Variants in OPA3 observed in about 807,000 individuals in gnomAD.
The protein encoded by OPA3 is optic atrophy 3 protein.
Under a neutral mutation model 4.0 loss-of-function variants are expected in OPA3, and 6 were observed. The observed-to-expected ratio is 1.51, with a 90% CI of 0.83 to 2.99. The LOEUF (loss-of-function observed/expected upper bound fraction) is 2.99. Among genes scored for constraint, OPA3 ranks in the 30% most tolerant of loss-of-function variants. The pLI, the probability that OPA3 is intolerant of heterozygous loss-of-function variation, is 0.00. For synonymous variants in OPA3, 105 were observed against 117.1 expected, an observed-to-expected ratio of 0.90 and a Z score of 0.67; for missense variants, 235 against 256.2, an observed-to-expected ratio of 0.92 and a Z score of 0.56.
chr19:45,583,354 G>A (rs533556259), intron 1 of OPA3, among the ~76,000 whole-genome samples: 22 of 151,624 alleles, frequency 1.5e-4, no homozygotes, highest in Non-Finnish European at 3.2e-4. Flanking sequence ...GGGTTTCACC[G>A]TGTTAGCCAG....
chr19:45,529,383 G>C lies in OPA3; in HGVS notation c.216C>G (p.Asn72Lys), dbSNP rs1163649635. 3.1e-6 allele frequency: 5 copies of C among 1,614,228 alleles called. No homozygotes were observed. Among genetic ancestry groups the C allele is most frequent in the Non-Finnish European group, 4.2e-6 (5 of 1,180,048 alleles). The change falls in exon 2 of 2, where the codon AAC becomes AAG. Residue 72 changes from asparagine (N) to lysine (K), a missense_variant. Asn to Lys is a moderately conservative substitution (Grantham distance 94, BLOSUM62 0). Transcript: ENST00000323060. ...CGCCCAGCTCGGCGGCTGCACCCTC[G>C]TTCAGCGGCTTGATGGCAGCGGCAT...
chr19:45,576,544 C>A (rs112608835), intron 1 of OPA3, among the ~76,000 whole-genome samples: 10 of 130,658 alleles, frequency 7.7e-5, no homozygotes, highest in African/African-American at 1.1e-4. Context: ...ATCCCCCCCC[C>A]CCCAAAAAAA....
chr19:45,543,415 G>T (rs1599954767), downstream of OPA3, among the ~76,000 whole-genome samples: 1 of 151,860 alleles, frequency 6.6e-6, no homozygotes, highest in Admixed American at 6.6e-5. Flanking sequence ...CCAACTCCTG[G>T]GTTTAAGTGA....
At chr19:45,559,347 CTTTT>C (rs1002634481) in intron 1 of OPA3, among the ~76,000 whole-genome samples, 7 of 141,148 alleles carry the variant, frequency 5.0e-5, no homozygotes, top group Non-Finnish European at 1.1e-4. Context: ...TTCTTTCTTT[CTTTT>C]CTTTTCTTTC....
intron 1 of OPA3, among the ~76,000 whole-genome samples, chr19:45,538,327 G>A (rs1363886680): frequency 1.3e-5 from 2 of 151,938 alleles, no homozygotes; most frequent in Non-Finnish European, 2.9e-5. Flanking sequence ...AGGCTGAGGG[G>A]GGAGGATTGC....
intron 1 of OPA3, among the ~76,000 whole-genome samples, chr19:45,576,004 C>A (rs1038510699): frequency 6.6e-6 from 1 of 152,134 alleles, no homozygotes; most frequent in East Asian, 1.9e-4. Context: ...GAGGCCAAGG[C>A]GGGTGGATCA....
chr19:45,549,845 C>G lies in OPA3; in HGVS notation c.*3669G>C, dbSNP rs1024454874. On this transcript the variant is annotated 3_prime_UTR_variant, in exon 2 of 2. Transcript: ENST00000263275. ...GTTCCCTCTGCTCCAGCTTCTCCCC[C>G]TCTTCCAGAAGGAACTGAAATGCTG... 1.0e-5 allele frequency: 10 copies of G among 985,420 alleles called. No individual in the cohort carries two copies. The highest frequency in any genetic ancestry group is 1.2e-5 in the Non-Finnish European group (10 of 830,098). The allele number at this position is 985,420 out of a possible 1,614,324, so 61.0% of individuals were successfully genotyped here. A position where few individuals can be genotyped will look rare whatever the true frequency, so the allele number is the denominator to read the frequency against.
intron 1 of OPA3, among the ~76,000 whole-genome samples, chr19:45,576,511 C>T (rs1328218070): frequency 6.7e-6 from 1 of 148,324 alleles, no homozygotes; most frequent in Non-Finnish European, 1.5e-5. Context: ...GCACTGCAAT[C>T]TGGGCAACAA....
downstream of OPA3, among the ~76,000 whole-genome samples, chr19:45,541,364 G>C (rs1278316585): frequency 2.0e-5 from 3 of 152,062 alleles, no homozygotes; most frequent in Non-Finnish European, 4.4e-5. Flanking sequence ...CTGTACTATA[G>C]GGGGGTCTGG....
In OPA3 at chr19:45,551,694, C is replaced by A; in HGVS notation, c.*1820G>T. On this transcript the variant is annotated 3_prime_UTR_variant, in exon 2 of 2. Coordinates refer to ENST00000263275, the MANE Select transcript of OPA3 (RefSeq NM_025136.4). ...GTTATGGCAGTCCAAGGAAATTAAT[C>A]AAGCAGTTAAGGCCAACTGCTGGCC... 1.0e-6 allele frequency: 1 copy of A among 985,102 alleles called. No homozygotes were observed. Among genetic ancestry groups the A allele is most frequent in the Non-Finnish European group, 1.2e-6 (1 of 829,658 alleles). The allele number at this position is 985,102 out of a possible 1,614,324, so 61.0% of individuals were successfully genotyped here.
In OPA3 at chr19:45,553,758, AGCACTAGG is replaced by A; in HGVS notation, c.288_295del (p.Leu97GlyfsTer97). 1 of 1,612,432 alleles carries A rather than the reference AGCACTAGG, an allele frequency of 6.2e-7. No individual in the cohort carries two copies. The highest frequency in any genetic ancestry group is 8.5e-7 in the Non-Finnish European group (1 of 1,179,790). On this transcript the variant is annotated frameshift_variant, in exon 2 of 2. Coordinates refer to ENST00000263275, the MANE Select transcript of OPA3 (RefSeq NM_025136.4). LOFTEE classifies it low-confidence loss of function (END_TRUNC). Reference sequence around the variant, plus strand: ...CTGCGCCTGGTGGCGCCAGTACTCCAGCACTAGGCAGCCGCCGCCCACGATGAAGATGG... The same window carrying A: ...CTGCGCCTGGTGGCGCCAGTACTCCACAGCCGCCGCCCACGATGAAGATGG...
rs542205606 is a variant in OPA3, at chr19:45,581,012, C to T, written c.142+3611G>A. ...AAACTGGGTCTAGGAATTCAGTGTCCAAAGTTTCGCCTCTGGCACAAATCT... is the reference window on the plus strand; with the variant it reads ...AAACTGGGTCTAGGAATTCAGTGTCTAAAGTTTCGCCTCTGGCACAAATCT... On this transcript the variant is annotated intron_variant, in intron 1 of 1. Transcript: ENST00000263275. Among the ~76,000 whole-genome samples, 62 of 152,280 alleles carry T rather than the reference C, an allele frequency of 4.1e-4. 1 individual carries two copies. The South Asian group carries it at 0.012, about 29-fold the overall frequency.
chr19:45,553,587 A>G lies in OPA3; in HGVS notation c.467T>C (p.Leu156Pro). ...GCAGAGCTGGGCGCGCACCTCTTGC[A>G]GCTCTGTGCGCAGTTCCTCCAGGGC... ...QGALEELRTELQEVRAQLCNP... is the reference protein window; with the variant it reads ...QGALEELRTEPQEVRAQLCNP... Residue 156 changes from leucine (L) to proline (P), a missense_variant, in exon 2 of 2, where the codon CTG (leucine) becomes CCG (proline). By Grantham distance (98) the Leu-to-Pro change is moderately conservative. Transcript: ENST00000263275. The G allele has an allele frequency of 6.2e-7, 1 of 1,612,518 alleles. No individual in the cohort carries two copies.
chr19:45,565,364 T>G (rs1969567339), intron 1 of OPA3, among the ~76,000 whole-genome samples: 1 of 151,868 alleles, frequency 6.6e-6, no homozygotes, highest in Admixed American at 6.6e-5. Context: ...GCGTGGTGGC[T>G]CACGCCTGTA....
At chr19:45,554,802 T>C (rs1440103280) in intron 1 of OPA3, among the ~76,000 whole-genome samples, 3 of 152,226 alleles carry the variant, frequency 2.0e-5, no homozygotes, top group South Asian at 2.1e-4. Flanking sequence ...TTTGTTGTTG[T>C]TGTTTTAGAG....
Position 45,553,907 on chromosome 19 carries a change from A to G in OPA3, c.147T>C (p.Tyr49=), listed in dbSNP as rs769477086. The G allele has an allele frequency of 1.2e-6, 2 of 1,606,008 alleles. No individual in the cohort carries two copies. Among genetic ancestry groups the G allele is most frequent in the South Asian group, 2.2e-5 (2 of 90,756 alleles). The change falls in exon 2 of 2, where the codon TAT becomes TAC. Residue 49 remains tyrosine (Y), a synonymous_variant. Transcript: ENST00000263275. The part of the protein sequence containing the change: ...TYICLPPAQL[Y]HWVEMRTKMR... ...TCTTGGTCCGCATCTCCACCCAGTG[A>G]TACACTGCGGGGGAAGAGAGGGGTC...
Position 45,555,883 on chromosome 19 carries a change from C to T in OPA3, c.143-1972G>A, listed in dbSNP as rs950227283. Among the ~76,000 whole-genome samples the T allele has an allele frequency of 6.6e-5, 10 of 152,048 alleles. No homozygotes were observed. In the East Asian group the frequency reaches 7.7e-4, roughly 12 times the overall value. On this transcript the variant is annotated intron_variant, in intron 1 of 1. Transcript: ENST00000263275. ...CTGGGCTCAAGTGATCTGGCTGCCT[C>T]GGCCTCCCAAAGTGCTGGGATTGCA...
chr19:45,559,333 G>GTCTT (rs1009314985), intron 1 of OPA3, among the ~76,000 whole-genome samples: 3 of 150,420 alleles, frequency 2.0e-5, no homozygotes, highest in Non-Finnish European at 1.5e-5. Flanking sequence ...ATGGACAATG[G>GTCTT]TCTTTCTTTC....
At chr19:45,544,389 G>A (rs1969220263), downstream of OPA3, among the ~76,000 whole-genome samples, 1 of 152,216 alleles carries the variant, frequency 6.6e-6, no homozygotes, top group Admixed American at 6.5e-5. Flanking sequence ...GCGGGGCACG[G>A]TGGCTCACGC....
Sources: gnomAD v4.1 joint callset for allele counts (sites outside exome capture counted in the v4.1 genomes callset) on GRCh38, gnomAD v4.1.1 for gene constraint, MANE v1.5 for transcripts, NCBI Gene and HGNC (gene_info 2026-07-23, HGNC 2026-07-21) for gene names.